Variants in EML6 observed in about 807,000 individuals in gnomAD.
EML6 encodes EMAP like 6.
A neutral mutation model predicts 240.1 loss-of-function variants in EML6; 154 were observed. The observed-to-expected ratio is 0.64, with a 90% CI of 0.56 to 0.73. EML6 has a LOEUF of 0.73. EML6 is among the 30% of genes least tolerant of loss of function. The pLI is 0.00. For synonymous variants in EML6, 1,148 were observed against 899.0 expected, an observed-to-expected ratio of 1.28 and a Z score of -4.95; for missense variants, 2,964 against 2,474.6, an observed-to-expected ratio of 1.20 and a Z score of -4.20.
rs6737973 is a variant in EML6, at chr2:54,797,996, T to G, written c.198-15236T>G. 5.6e-3 allele frequency among the ~76,000 whole-genome samples: 848 copies of G among 152,308 alleles called. 10 individuals carry two copies. The highest frequency in any genetic ancestry group is 0.019 in the African/African-American group (808 of 41,560). On this transcript the variant is annotated intron_variant, in intron 2 of 41. Transcript: ENST00000356458. Reference sequence around the variant, plus strand: ...CTATTCTAGGACCCTTGTACTTCAATATAAGTGTCTGGATCAGTTTGTCAA... The same window carrying G: ...CTATTCTAGGACCCTTGTACTTCAAGATAAGTGTCTGGATCAGTTTGTCAA...
chr2:54,879,485 G>A (rs914850579), intron 16 of EML6, 62 bp from the exon 17 acceptor site: 1 of 1,035,768 alleles, frequency 9.7e-7, no homozygotes, highest in East Asian at 2.6e-5. Context: ...CCTCTTTACA[G>A]TGTATGAAAT....
At chr2:54,964,890 T>C (rs1042952031) in intron 38 of EML6, among the ~76,000 whole-genome samples, 157 bp downstream of exon 38, 6 of 152,208 alleles carry the variant, frequency 3.9e-5, no homozygotes, top group African/African-American at 1.4e-4. Flanking sequence ...ATTTTATAAA[T>C]GTAGAAACAG....
chr2:54,811,706 C>A (rs951897846), intron 2 of EML6, among the ~76,000 whole-genome samples: 8 of 152,158 alleles, frequency 5.3e-5, no homozygotes, highest in Non-Finnish European at 8.8e-5. Context: ...TGCTTCCATC[C>A]ACTCAGCTTA....
At chr2:54,905,321 GACACAC>G (rs70944194) in intron 24 of EML6, among the ~76,000 whole-genome samples, 20,298 of 121,302 alleles carry the variant, frequency 0.17, 2,084 homozygotes, top group Admixed American at 0.22. Flanking sequence ...TTTAGAATCC[GACACAC>G]ACACACACAC....
chr2:54,936,035 G>A (rs1274949628), intron 28 of EML6, among the ~76,000 whole-genome samples: 5 of 152,188 alleles, frequency 3.3e-5, no homozygotes, highest in Non-Finnish European at 7.3e-5. Context: ...GTCCGTGAAT[G>A]AATGAATCAA....
intron 2 of EML6, among the ~76,000 whole-genome samples, chr2:54,761,617 C>T (rs1450691865): frequency 6.6e-6 from 1 of 152,102 alleles, no homozygotes; most frequent in Non-Finnish European, 1.5e-5. Context: ...ATCATAAACT[C>T]TGTGGATATA....
intron 8 of EML6, among the ~76,000 whole-genome samples, chr2:54,846,002 G>C (rs1201812685): frequency 6.6e-6 from 1 of 152,234 alleles, no homozygotes; most frequent in Non-Finnish European, 1.5e-5. Context: ...TCTATCTTCA[G>C]ATGTTTCATT....
intron 26 of EML6, among the ~76,000 whole-genome samples, chr2:54,917,451 G>A (rs1160435263): frequency 7.0e-6 from 1 of 143,330 alleles, no homozygotes; most frequent in Non-Finnish European, 1.5e-5. Flanking sequence ...CGCAACTTCT[G>A]CCTCCCAGGT....
chr2:54,892,972 A>G (rs563776334), intron 19 of EML6, among the ~76,000 whole-genome samples: 3 of 152,280 alleles, frequency 2.0e-5, no homozygotes, highest in East Asian at 3.9e-4. Flanking sequence ...CCTGAGAAAT[A>G]CTTCAGCATT....
upstream of EML6, chr2:54,723,578 G>C (rs971710480): frequency 6.6e-6 from 1 of 152,420 alleles, no homozygotes; most frequent in South Asian, 2.1e-4. Context: ...CCTAGTAACC[G>C]GCAGCTGAGG....
intron 7 of EML6, among the ~76,000 whole-genome samples, chr2:54,840,946 T>C (rs1463598238): frequency 1.3e-5 from 2 of 152,234 alleles, no homozygotes; most frequent in Non-Finnish European, 2.9e-5. Context: ...TAAAAGTAGA[T>C]GATGCAAAGC....
chr2:54,782,467 C>T (rs1449781213), intron 2 of EML6, among the ~76,000 whole-genome samples: 3 of 152,196 alleles, frequency 2.0e-5, no homozygotes, highest in East Asian at 3.8e-4. Context: ...ATTTTATTTT[C>T]CTGAATCAAA....
chr2:54,931,351 G>A (rs1279184355), intron 28 of EML6, among the ~76,000 whole-genome samples: 1 of 152,172 alleles, frequency 6.6e-6, no homozygotes, highest in Admixed American at 6.5e-5. Flanking sequence ...TGATGGAATT[G>A]GGAGGGTGGC....
At chr2:54,804,834 T>G (rs1448928078) in intron 2 of EML6, among the ~76,000 whole-genome samples, 1 of 152,218 alleles carries the variant, frequency 6.6e-6, no homozygotes, top group Non-Finnish European at 1.5e-5. Flanking sequence ...AATGGCTATT[T>G]CTTATTTTCT....
chr2:54,738,093 C>G (rs559398468), intron 2 of EML6, among the ~76,000 whole-genome samples: 1 of 152,182 alleles, frequency 6.6e-6, no homozygotes, highest in African/African-American at 2.4e-5. Context: ...CTAACACATT[C>G]CTTATTGCAC....
intron 16 of EML6, among the ~76,000 whole-genome samples, chr2:54,874,232 C>A (rs1025840060): frequency 1.3e-5 from 2 of 152,184 alleles, no homozygotes; most frequent in African/African-American, 4.8e-5. Flanking sequence ...GCTAACATTT[C>A]TTCTGGGCTT....
At chr2:54,807,235 T>C (rs779500110) in intron 2 of EML6, among the ~76,000 whole-genome samples, 1 of 152,234 alleles carries the variant, frequency 6.6e-6, no homozygotes, top group Non-Finnish European at 1.5e-5. Context: ...AAAGAAGTTG[T>C]TCACATCATT....
chr2:54,892,691 C>G (rs935991859), intron 19 of EML6, 35 bp downstream of exon 19: 2 of 1,502,422 alleles, frequency 1.3e-6, no homozygotes, highest in East Asian at 2.5e-5. Context: ...TTTTCCTCAT[C>G]AGCCTTCTAA....
intron 24 of EML6, among the ~76,000 whole-genome samples, chr2:54,904,229 G>T (rs1404196943): frequency 6.6e-6 from 1 of 152,152 alleles, no homozygotes; most frequent in African/African-American, 2.4e-5. Context: ...CACAAGGGAA[G>T]TGGTGAGCAG....
Sources: allele counts gnomAD v4.1 joint callset (sites outside exome capture counted in the v4.1 genomes callset), GRCh38; gene constraint gnomAD v4.1.1; transcripts MANE v1.5; gene names NCBI Gene and HGNC (gene_info 2026-07-23, HGNC 2026-07-21).